Variants in CAMTA1 observed in about 807,000 individuals in gnomAD.
CAMTA1 encodes calmodulin-binding transcription activator 1.
In CAMTA1, 27 loss-of-function variants were observed where a neutral mutation model predicts 170.9. The ratio of observed to expected loss-of-function variants is 0.16; its 90% CI spans 0.12 to 0.22. The LOEUF (loss-of-function observed/expected upper bound fraction) is 0.22, where lower values mean the gene tolerates loss of function less well. CAMTA1 is among the 10% of genes least tolerant of loss of function. The probability of loss-of-function intolerance (pLI) is 1.00; values close to 1 mark genes in which losing one functional copy is unlikely to be tolerated. For missense variants in CAMTA1, 1,619 were observed against 2,217.2 expected (o/e 0.73, Z 5.42); for synonymous variants, 833 against 891.5 (o/e 0.93, Z 1.17).
At chr1:7,088,517 T>A (rs1038234166) in intron 3 of CAMTA1, among the ~76,000 whole-genome samples, 3 of 152,214 alleles carry the variant, frequency 2.0e-5, no homozygotes, top group African/African-American at 7.2e-5. Flanking sequence ...AGATGCTCAG[T>A]AAGTGTTTGT....
intron 3 of CAMTA1, among the ~76,000 whole-genome samples, chr1:7,085,427 C>T (rs1640611275): frequency 6.6e-6 from 1 of 152,238 alleles, no homozygotes; most frequent in East Asian, 1.9e-4. Context: ...AGGAACTGTA[C>T]GGGGCTCTAC....
chr1:7,428,328 C>A (rs550206842), intron 5 of CAMTA1, among the ~76,000 whole-genome samples: 1 of 151,936 alleles, frequency 6.6e-6, no homozygotes, highest in Non-Finnish European at 1.5e-5. Flanking sequence ...GTGTAGGAGG[C>A]GCTCACTGAG....
At chr1:7,493,768 G>T (rs1406962438) in intron 6 of CAMTA1, among the ~76,000 whole-genome samples, 1 of 152,200 alleles carries the variant, frequency 6.6e-6, no homozygotes, top group Admixed American at 6.5e-5. Flanking sequence ...ACAGAAGTCA[G>T]CGAAATGCAG....
chr1:7,049,928 G>T (rs992382308), intron 3 of CAMTA1, among the ~76,000 whole-genome samples: 1 of 152,206 alleles, frequency 6.6e-6, no homozygotes, highest in Non-Finnish European at 1.5e-5. Context: ...TGGGAGGAGG[G>T]CATCGGGGGA....
chr1:7,049,226 G>A (rs1705901399), intron 3 of CAMTA1, among the ~76,000 whole-genome samples: 1 of 152,122 alleles, frequency 6.6e-6, no homozygotes, highest in Non-Finnish European at 1.5e-5. Context: ...TATGGACAAA[G>A]CATAGAGGAA....
At chr1:7,442,907 C>T in intron 5 of CAMTA1, among the ~76,000 whole-genome samples, 1 of 152,188 alleles carries the variant, frequency 6.6e-6, no homozygotes, top group South Asian at 2.1e-4. Context: ...AAGGCAGACA[C>T]TGAGACTCAA....
chr1:7,601,813 C>T lies in CAMTA1; in HGVS notation c.511-38587C>T, dbSNP rs906559694. The stretch of plus-strand genomic sequence containing the variant: ...AAAACCAGTCAGGCATGGCGGCGCG[C>T]GCCTGCAATCGCAGGCACTCGGCAG... On this transcript the variant is annotated intron_variant, in intron 6 of 22. Transcript: ENST00000303635. Among the ~76,000 whole-genome samples the T allele has an allele frequency of 7.2e-3, 1,101 of 152,036 alleles. 6 individuals carry two copies. Among genetic ancestry groups the T allele is most frequent in the African/African-American group, 0.019 (795 of 41,444 alleles).
intron 3 of CAMTA1, among the ~76,000 whole-genome samples, chr1:6,958,516 C>T (rs2149509302): frequency 6.6e-6 from 1 of 152,342 alleles, no homozygotes; most frequent in East Asian, 1.9e-4. Context: ...TTCTGGAGCG[C>T]ATCCCCAGGG....
chr1:6,875,504 C>T (rs948629453), intron 3 of CAMTA1, among the ~76,000 whole-genome samples: 6 of 152,228 alleles, frequency 3.9e-5, no homozygotes, highest in Middle Eastern at 3.4e-3. Context: ...AGGCTGGTCT[C>T]GAACTTTCCT....
chr1:7,155,385 G>A (rs1209519007), intron 4 of CAMTA1, among the ~76,000 whole-genome samples: 1 of 91,398 alleles, frequency 1.1e-5, no homozygotes, highest in African/African-American at 4.1e-5. Flanking sequence ...TGAGGGCACC[G>A]TTGGGGGGGG....
At chr1:6,925,259 C>A (rs1682864170) in intron 3 of CAMTA1, among the ~76,000 whole-genome samples, 1 of 152,374 alleles carries the variant, frequency 6.6e-6, no homozygotes, top group African/African-American at 2.4e-5. Flanking sequence ...CTCTTTCCCA[C>A]ATTTCTTGAT....
At chr1:7,704,056 C>A (rs2096474390) in intron 11 of CAMTA1, among the ~76,000 whole-genome samples, 1 of 151,790 alleles carries the variant, frequency 6.6e-6, no homozygotes, top group South Asian at 2.1e-4. Flanking sequence ...CCCGCCCTGG[C>A]CCTCCCCGGG....
intron 5 of CAMTA1, among the ~76,000 whole-genome samples, chr1:7,372,746 G>T (rs528726736): frequency 6.6e-6 from 1 of 152,196 alleles, no homozygotes; most frequent in Non-Finnish European, 1.5e-5. Flanking sequence ...TTACCCTGTC[G>T]CACAGAAGTG....
At chr1:7,145,144 C>A (rs921821138) in intron 4 of CAMTA1, among the ~76,000 whole-genome samples, 1 of 152,188 alleles carries the variant, frequency 6.6e-6, no homozygotes, top group African/African-American at 2.4e-5. Context: ...CTTCTCAAAG[C>A]CATCATGGAT....
chr1:6,875,189 A>G (rs1414698060), intron 3 of CAMTA1, among the ~76,000 whole-genome samples: 1 of 152,166 alleles, frequency 6.6e-6, no homozygotes. Context: ...GCTGCCTTGC[A>G]TTGAGCTGCA....
At position 7,041,406 on chromosome 1, in the gene CAMTA1, C is replaced by T. The variant is rs1165740172; in HGVS notation, c.235-49898C>T. On this transcript the variant is annotated intron_variant, in intron 3 of 22. Coordinates refer to ENST00000303635, the MANE Select transcript of CAMTA1 (RefSeq NM_015215.4). This position sits in a 1 kb window ranked among gnomAD's most constrained non-coding sequence, Gnocchi z 5.1. ...CACACACACACAACAGAACATAAAT[C>T]AGAGGCAGAATCTTTTAACATTTAC... 1.3e-5 allele frequency among the ~76,000 whole-genome samples: 2 copies of T among 152,234 alleles called. No individual in the cohort carries two copies. Among genetic ancestry groups the T allele is most frequent in the Non-Finnish European group, 2.9e-5 (2 of 68,048 alleles).
intron 4 of CAMTA1, among the ~76,000 whole-genome samples, chr1:7,148,553 G>T (rs776501302): frequency 6.6e-5 from 10 of 152,306 alleles, no homozygotes; most frequent in South Asian, 2.1e-4. Flanking sequence ...CTTTACCTAT[G>T]GGGGGAGTGG....
At chr1:7,072,089 G>C (rs1014153718) in intron 3 of CAMTA1, among the ~76,000 whole-genome samples, 1 of 152,220 alleles carries the variant, frequency 6.6e-6, no homozygotes, top group African/African-American at 2.4e-5. Context: ...ATGGAAATCA[G>C]CCCTATGACC....
At chr1:7,134,425 C>T (rs900888142) in intron 4 of CAMTA1, among the ~76,000 whole-genome samples, 14 of 152,110 alleles carry the variant, frequency 9.2e-5, no homozygotes, top group African/African-American at 3.4e-4. Flanking sequence ...TCCCAAGTAG[C>T]TGAAACTACA....
Sources: allele counts gnomAD v4.1 joint callset (sites outside exome capture counted in the v4.1 genomes callset), GRCh38; gene constraint gnomAD v4.1.1; non-coding constraint Gnocchi (gnomAD v3.1); transcripts MANE v1.5; gene names NCBI Gene and HGNC (gene_info 2026-07-23, HGNC 2026-07-21).